FAM110B: variants seen among roughly 807,000 people sequenced by gnomAD.
The protein encoded by FAM110B is family with sequence similarity 110 member B, also known as protein FAM110B.
In FAM110B, 6 loss-of-function variants were observed where a neutral mutation model predicts 20.4. The observed-to-expected ratio is 0.29, with a 90% CI of 0.16 to 0.58. FAM110B has a LOEUF of 0.58. Among genes scored for constraint, FAM110B ranks in the 20% least tolerant of loss-of-function variants. The pLI, the probability that FAM110B is intolerant of heterozygous loss-of-function variation, is 0.90. For synonymous variants in FAM110B, 226 were observed against 214.1 expected (o/e 1.06, Z -0.49); for missense variants, 434 against 498.2 (o/e 0.87, Z 1.23).
At chr8:58,116,726 A>T (rs1342564959) in intron 3 of FAM110B, among the ~76,000 whole-genome samples, 1 of 152,146 alleles carries the variant, frequency 6.6e-6, no homozygotes, top group Non-Finnish European at 1.5e-5. Flanking sequence ...TGAATGTGTC[A>T]TGATAGTAAA....
At chr8:58,122,680 T>C (rs1444138474) in intron 3 of FAM110B, among the ~76,000 whole-genome samples, 1 of 152,196 alleles carries the variant, frequency 6.6e-6, no homozygotes, top group East Asian at 1.9e-4. Context: ...ACTTCCCTTT[T>C]TTCTCTATTT....
At chr8:58,133,310 T>A (rs1427954112) in intron 3 of FAM110B, among the ~76,000 whole-genome samples, 1 of 152,074 alleles carries the variant, frequency 6.6e-6, no homozygotes, top group African/African-American at 2.4e-5. Context: ...TTTGTATTCT[T>A]TTATCTTGGG....
At chr8:58,088,643 G>T (rs149782032) in intron 3 of FAM110B, among the ~76,000 whole-genome samples, 2 of 152,164 alleles carry the variant, frequency 1.3e-5, no homozygotes, top group African/African-American at 4.8e-5. Context: ...TTGTGTAGAA[G>T]TTACAAGGAA....
intron 3 of FAM110B, among the ~76,000 whole-genome samples, chr8:58,129,380 A>C (rs1239688043): frequency 6.6e-6 from 1 of 152,268 alleles, no homozygotes; most frequent in Non-Finnish European, 1.5e-5. Context: ...ATAAGCTGAC[A>C]CATTACATGC....
At position 58,014,532 on chromosome 8, in the gene FAM110B, A is replaced by G. The variant is rs999289366; in HGVS notation, c.-511-17074A>G. On this transcript the variant is annotated intron_variant, in intron 1 of 3. Coordinates refer to ENST00000519262, the MANE Select transcript of FAM110B (RefSeq NM_001377989.1). ...TATAAAGGTGGATGTCTTGCAGGGA[A>G]ACTGCTGCAAAGGGCAGAAAGGGTT... Among the ~76,000 whole-genome samples, 6 of 152,190 alleles carry G rather than the reference A, an allele frequency of 3.9e-5. No individual in the cohort carries two copies. In the East Asian group the frequency reaches 1.2e-3, roughly 29 times the overall value.
At chr8:58,064,838 A>T (rs1273103253) in intron 2 of FAM110B, among the ~76,000 whole-genome samples, 1 of 152,242 alleles carries the variant, frequency 6.6e-6, no homozygotes, top group Non-Finnish European at 1.5e-5. Flanking sequence ...ATAAAACGTA[A>T]TAAATGGCAT....
intron 2 of FAM110B, among the ~76,000 whole-genome samples, chr8:58,044,043 A>G (rs1805274083): frequency 1.3e-5 from 2 of 152,160 alleles, no homozygotes; most frequent in African/African-American, 4.8e-5. Context: ...TTTATGGGAG[A>G]TGTTTGAACC....
intron 2 of FAM110B, among the ~76,000 whole-genome samples, chr8:58,037,406 T>G (rs566368107): frequency 6.6e-6 from 1 of 151,734 alleles, no homozygotes; most frequent in South Asian, 2.1e-4. Flanking sequence ...GAGGCCAAAT[T>G]GGGAGGATTG....
chr8:58,087,578 C>T (rs1279419471), intron 3 of FAM110B, among the ~76,000 whole-genome samples: 1 of 152,114 alleles, frequency 6.6e-6, no homozygotes, highest in Non-Finnish European at 1.5e-5. Flanking sequence ...AACTCCAAAA[C>T]TTGACCTCTC....
chr8:58,041,164 C>G (rs1473275198), intron 2 of FAM110B, among the ~76,000 whole-genome samples: 3 of 152,052 alleles, frequency 2.0e-5, no homozygotes, highest in Non-Finnish European at 4.4e-5. Flanking sequence ...TGGTCTTGAA[C>G]TCCTGACCTC....
At chr8:58,041,039 C>G (rs1429163366) in intron 2 of FAM110B, among the ~76,000 whole-genome samples, 2 of 143,676 alleles carry the variant, frequency 1.4e-5, no homozygotes, top group Non-Finnish European at 3.0e-5. Flanking sequence ...CCTCCAGGTT[C>G]AAGTGATTCT....
intron 2 of FAM110B, among the ~76,000 whole-genome samples, chr8:58,073,003 G>A (rs954509546): frequency 9.9e-5 from 15 of 152,162 alleles, no homozygotes; most frequent in African/African-American, 3.6e-4. Context: ...CCAAAAACCT[G>A]AAAGATATTT....
At chr8:58,047,007 G>A (rs577977509) in intron 2 of FAM110B, among the ~76,000 whole-genome samples, 2 of 152,292 alleles carry the variant, frequency 1.3e-5, no homozygotes, top group East Asian at 1.9e-4. Flanking sequence ...GTCGACAGCC[G>A]TAATGTTAAC....
At chr8:58,066,741 G>A (rs941657854) in intron 2 of FAM110B, among the ~76,000 whole-genome samples, 3 of 152,068 alleles carry the variant, frequency 2.0e-5, no homozygotes, top group African/African-American at 7.2e-5. Flanking sequence ...ACTAGGGAGC[G>A]GATCGTTGGT....
intron 3 of FAM110B, among the ~76,000 whole-genome samples, chr8:58,081,749 T>C (rs1419522539): frequency 6.6e-6 from 1 of 152,168 alleles, no homozygotes. Flanking sequence ...AAGAGTTCCT[T>C]TAGTGCCCGT....
At chr8:58,090,809 G>A (rs1806458067) in intron 3 of FAM110B, among the ~76,000 whole-genome samples, 1 of 152,122 alleles carries the variant, frequency 6.6e-6, no homozygotes, top group African/African-American at 2.4e-5. Context: ...CAAGGCCTTT[G>A]AGCTCAGATT....
At chr8:58,015,531 T>C (rs1804619704) in intron 1 of FAM110B, among the ~76,000 whole-genome samples, 1 of 151,976 alleles carries the variant, frequency 6.6e-6, no homozygotes, top group African/African-American at 2.4e-5. Flanking sequence ...GTGCCCTCAG[T>C]TAACTAAAAC....
chr8:58,098,366 G>A (rs969486865), intron 3 of FAM110B, among the ~76,000 whole-genome samples: 1 of 152,168 alleles, frequency 6.6e-6, no homozygotes, highest in Non-Finnish European at 1.5e-5. Flanking sequence ...GCTTATTCAC[G>A]CTTCAGTAAT....
intron 1 of FAM110B, among the ~76,000 whole-genome samples, chr8:57,997,144 G>A (rs1182399148): frequency 6.6e-6 from 1 of 152,182 alleles, no homozygotes; most frequent in African/African-American, 2.4e-5. Context: ...TAGGCACAGT[G>A]GCTTGGCAGT....
Sources: allele counts gnomAD v4.1 joint callset (sites outside exome capture counted in the v4.1 genomes callset), GRCh38; gene constraint gnomAD v4.1.1; transcripts MANE v1.5; gene names NCBI Gene and HGNC (gene_info 2026-07-23, HGNC 2026-07-21).